Variants in DLGAP2 observed in about 807,000 individuals in gnomAD.
DLGAP2 encodes DLG associated protein 2, also known as disks large-associated protein 2.
Under a neutral mutation model 100.3 loss-of-function variants are expected in DLGAP2, and 26 were observed. That is an observed-to-expected ratio of 0.26 (90% CI 0.19 to 0.36). The LOEUF (loss-of-function observed/expected upper bound fraction) is 0.36, where lower values mean the gene tolerates loss of function less well. Ranked by LOEUF, DLGAP2 falls within the 10% of genes least tolerant of loss-of-function variation. The pLI, the probability that DLGAP2 is intolerant of heterozygous loss-of-function variation, is 1.00. For missense variants in DLGAP2, 1,858 were observed against 1,453.2 expected, an observed-to-expected ratio of 1.28 and a Z score of -4.53; for synonymous variants, 886 against 630.1, an observed-to-expected ratio of 1.41 and a Z score of -6.08.
chr8:1,051,439 C>T (rs189980820), intron 2 of DLGAP2, among the ~76,000 whole-genome samples: 1 of 152,276 alleles, frequency 6.6e-6, no homozygotes, highest in Non-Finnish European at 1.5e-5. Flanking sequence ...CCAATACCGT[C>T]AGCACGTGGG....
chr8:1,320,320 G>C (rs1426510514), intron 3 of DLGAP2, among the ~76,000 whole-genome samples: 2 of 152,086 alleles, frequency 1.3e-5, no homozygotes, highest in African/African-American at 2.4e-5. Context: ...GAGATGCCTG[G>C]AGTCCAGGAA....
chr8:942,470 A>C (rs1233880034), intron 2 of DLGAP2, among the ~76,000 whole-genome samples: 1 of 152,222 alleles, frequency 6.6e-6, no homozygotes, highest in Non-Finnish European at 1.5e-5. Flanking sequence ...CATCATCCAG[A>C]ACAGCCAAAA....
At chr8:1,280,458 G>A (rs1438139156) in intron 3 of DLGAP2, among the ~76,000 whole-genome samples, 1 of 152,142 alleles carries the variant, frequency 6.6e-6, no homozygotes, top group East Asian at 1.9e-4. Flanking sequence ...CATGCCACTA[G>A]CGTTTTTAAA....
Position 1,242,437 on chromosome 8 carries a change from C to T in DLGAP2, c.74-16414C>T, listed in dbSNP as rs551991643. Among the ~76,000 whole-genome samples, 124 of 152,342 alleles carry T rather than the reference C, an allele frequency of 8.1e-4. 2 individuals carry two copies. Among genetic ancestry groups the T allele is most frequent in the African/African-American group, 2.9e-3 (119 of 41,580 alleles). ...CAGCGAAGGGCTTGGCCCGTCTGTT[C>T]TTTCCTGGCCACGGACCTTGTTCAC... On this transcript the variant is annotated intron_variant, in intron 2 of 14. Transcript: ENST00000637795.
intron 1 of DLGAP2, among the ~76,000 whole-genome samples, chr8:786,492 C>T (rs971161306): frequency 1.3e-5 from 2 of 152,194 alleles, no homozygotes; most frequent in East Asian, 1.9e-4. Context: ...TTCCCACCCC[C>T]ACATAAGTGT....
At chr8:1,020,086 T>C (rs1226111851) in intron 2 of DLGAP2, among the ~76,000 whole-genome samples, 1 of 152,254 alleles carries the variant, frequency 6.6e-6, no homozygotes, top group Non-Finnish European at 1.5e-5. Context: ...AAATAATTTT[T>C]ATAAAGCAAA....
chr8:1,095,468 CAG>C (rs773384625), intron 2 of DLGAP2, among the ~76,000 whole-genome samples: 1 of 152,166 alleles, frequency 6.6e-6, no homozygotes, highest in South Asian at 2.1e-4. Flanking sequence ...GCGGTGAGCA[CAG>C]GGGTTTTTGG....
chr8:1,097,343 G>A (rs575879685), intron 2 of DLGAP2, among the ~76,000 whole-genome samples: 27 of 130,370 alleles, frequency 2.1e-4, no homozygotes, highest in African/African-American at 7.0e-4. Context: ...CCCCTCCAGC[G>A]TGAGACCCAC....
intron 1 of DLGAP2, among the ~76,000 whole-genome samples, chr8:892,222 G>A (rs1003148512): frequency 6.6e-6 from 1 of 152,224 alleles, no homozygotes; most frequent in Non-Finnish European, 1.5e-5. Context: ...ATGATAGACA[G>A]CGGGGTCTCG....
Position 891,947 on chromosome 8 carries a change from A to G in DLGAP2, c.19-15965A>G, listed in dbSNP as rs547240905. Among the ~76,000 whole-genome samples, 15 of 152,316 alleles carry G rather than the reference A, an allele frequency of 9.8e-5. 1 individual carries two copies. Among genetic ancestry groups the G allele is most frequent in the African/African-American group, 3.6e-4 (15 of 41,574 alleles). On this transcript the variant is annotated intron_variant, in intron 1 of 14. Coordinates refer to ENST00000637795, the MANE Select transcript of DLGAP2 (RefSeq NM_001346810.2). ...GTCTGGGGGCTGCGCCACACAGAGC[A>G]TGGAGGTGATGCTTTCCTGTAACAC...
At chr8:1,658,155 G>A (rs550315963) in intron 8 of DLGAP2, among the ~76,000 whole-genome samples, 1 of 152,004 alleles carries the variant, frequency 6.6e-6, no homozygotes, top group African/African-American at 2.4e-5. Flanking sequence ...ATGCAAATGA[G>A]GGCTCCACCC....
intron 5 of DLGAP2, among the ~76,000 whole-genome samples, chr8:1,558,364 A>G (rs1226585206): frequency 1.5e-4 from 23 of 152,204 alleles, no homozygotes; most frequent in Admixed American, 1.4e-3. Context: ...TCACAGCCCC[A>G]GAAGAGAGTG....
At chr8:1,482,255 G>C (rs904687249) in intron 3 of DLGAP2, among the ~76,000 whole-genome samples, 2 of 152,188 alleles carry the variant, frequency 1.3e-5, no homozygotes, top group African/African-American at 4.8e-5. Flanking sequence ...TCTTTTAAAA[G>C]AAACGTGGAA....
At chr8:1,364,727 G>C (rs537792368) in intron 3 of DLGAP2, among the ~76,000 whole-genome samples, 2 of 152,332 alleles carry the variant, frequency 1.3e-5, no homozygotes, top group East Asian at 1.9e-4. Flanking sequence ...AGACAGGCCC[G>C]AACTCAGCCA....
intron 2 of DLGAP2, among the ~76,000 whole-genome samples, chr8:1,012,191 G>A (rs924538025): frequency 4.6e-5 from 7 of 152,082 alleles, no homozygotes; most frequent in Admixed American, 2.0e-4. Flanking sequence ...TTTAATTTTC[G>A]TCCTCACTCA....
rs1278394030 is a variant in DLGAP2, at chr8:865,855, G to GGAC, written c.19-42056_19-42055insACG. 2.6e-5 allele frequency among the ~76,000 whole-genome samples: 4 copies of GGAC among 152,244 alleles called. No homozygotes were observed. The East Asian group carries it at 5.8e-4, about 22-fold the overall frequency. On this transcript the variant is annotated intron_variant, in intron 1 of 14. Coordinates refer to ENST00000637795, the MANE Select transcript of DLGAP2 (RefSeq NM_001346810.2). ...AGCTTGCCCCCTCAGAGAGAGGTGT[G>GGAC]GTCTGCGGCTCACAGCAGGGCAGTA...
intron 1 of DLGAP2, among the ~76,000 whole-genome samples, chr8:867,295 C>G (rs541285244): frequency 2.6e-5 from 4 of 152,212 alleles, no homozygotes; most frequent in Non-Finnish European, 4.4e-5. Flanking sequence ...ATGTTGAACT[C>G]AAGTATGTAT....
intron 2 of DLGAP2, among the ~76,000 whole-genome samples, chr8:984,535 G>A (rs1479344315): frequency 6.6e-6 from 1 of 152,084 alleles, no homozygotes; most frequent in East Asian, 1.9e-4. Context: ...ACCAAACCAC[G>A]GCCGTGCCTG....
At chr8:1,230,199 T>G (rs534825530) in intron 2 of DLGAP2, among the ~76,000 whole-genome samples, 2 of 152,180 alleles carry the variant, frequency 1.3e-5, no homozygotes, top group African/African-American at 4.8e-5. Flanking sequence ...CAAAAATCAG[T>G]AGCATTTCTA....
Sources: gnomAD v4.1 joint callset for allele counts (sites outside exome capture counted in the v4.1 genomes callset) on GRCh38, gnomAD v4.1.1 for gene constraint, MANE v1.5 for transcripts, NCBI Gene and HGNC (gene_info 2026-07-23, HGNC 2026-07-21) for gene names.